NUDCD1: variants seen among roughly 807,000 people sequenced by gnomAD.
NUDCD1 encodes the protein nudC domain-containing protein 1.
A neutral mutation model predicts 67.8 loss-of-function variants in NUDCD1; 60 were observed. That is an observed-to-expected ratio of 0.88 (90% CI 0.72 to 1.10). NUDCD1 has a LOEUF of 1.10. Ranked by LOEUF, NUDCD1 falls within the 50% of genes least tolerant of loss-of-function variation. The pLI is 0.00. For missense variants in NUDCD1, 643 were observed against 695.0 expected (o/e 0.93, Z 0.84); for synonymous variants, 244 against 230.8 (o/e 1.06, Z -0.52).
chr8:109,279,070 C>A (rs933678664), intron 6 of NUDCD1, among the ~76,000 whole-genome samples: 1 of 152,200 alleles, frequency 6.6e-6, no homozygotes, highest in Admixed American at 6.5e-5. Context: ...TCCTGGGCAA[C>A]AGAGTGAGAC....
intron 8 of NUDCD1, among the ~76,000 whole-genome samples, chr8:109,248,914 A>C (rs1813561335): frequency 6.6e-6 from 1 of 152,052 alleles, no homozygotes; most frequent in African/African-American, 2.4e-5. Context: ...CCTGTTGCAT[A>C]TCCTGTCCAT....
At chr8:109,271,173 A>T in intron 7 of NUDCD1, 43 bp from the exon 8 acceptor site, 1 of 1,365,444 alleles carries the variant, frequency 7.3e-7, no homozygotes, top group Non-Finnish European at 1.0e-6. Flanking sequence ...AAAACAAATA[A>T]ACAAGGGAAT....
intron 8 of NUDCD1, among the ~76,000 whole-genome samples, chr8:109,247,598 G>C (rs1813528271): frequency 1.3e-5 from 2 of 152,178 alleles, no homozygotes; most frequent in African/African-American, 4.8e-5. Context: ...ACTGTGTCAA[G>C]TGTTGTTAAT....
intron 2 of NUDCD1, chr8:109,316,066 T>C (rs1394993395): frequency 1.3e-5 from 2 of 152,158 alleles, no homozygotes; most frequent in Admixed American, 6.6e-5. Flanking sequence ...ACAAATTAGC[T>C]TTTCAGGTAA....
intron 1 of NUDCD1, among the ~76,000 whole-genome samples, chr8:109,327,601 T>C (rs141110826): frequency 4.6e-5 from 7 of 152,356 alleles, no homozygotes; most frequent in East Asian, 1.9e-4. Context: ...TACCAAAACA[T>C]TGACAAGCTT....
chr8:109,280,967 C>T lies in NUDCD1; in HGVS notation c.1028+1G>A, dbSNP rs752062624. 4 of 1,425,694 alleles carry T rather than the reference C, an allele frequency of 2.8e-6. No homozygotes were observed. In the South Asian group the frequency reaches 5.4e-5, roughly 19 times the overall value. 88.3% of individuals were successfully genotyped at this position (1,425,694 alleles called of 1,614,324 possible). ...ATTAAAGTAAAATTAAAAAAAAATA[C>T]CTATTACTCTCTTTAATTATCCATG... On this transcript the variant is annotated splice_donor_variant, in intron 6 of 9. Coordinates refer to ENST00000239690, the MANE Select transcript of NUDCD1 (RefSeq NM_032869.4). LOFTEE classifies it high-confidence loss of function.
intron 6 of NUDCD1, among the ~76,000 whole-genome samples, chr8:109,277,771 C>T (rs2980607): frequency 1.6e-4 from 24 of 152,276 alleles, no homozygotes; most frequent in African/African-American, 5.3e-4. Context: ...TGGGTTACTG[C>T]TTGATGACTT....
At chr8:109,314,431 G>C (rs187999343) in intron 2 of NUDCD1, among the ~76,000 whole-genome samples, 1 of 152,270 alleles carries the variant, frequency 6.6e-6, no homozygotes, top group East Asian at 1.9e-4. Flanking sequence ...ACTTAGAAGA[G>C]AGGTTCAAAA....
chr8:109,288,412 A>G (rs1052469729), intron 5 of NUDCD1, among the ~76,000 whole-genome samples: 4 of 152,228 alleles, frequency 2.6e-5, no homozygotes, highest in African/African-American at 9.6e-5. Flanking sequence ...TATTCTGGCT[A>G]AGCTTTGGAT....
At chr8:109,264,234 C>G (rs1364918506) in intron 8 of NUDCD1, among the ~76,000 whole-genome samples, 1 of 152,100 alleles carries the variant, frequency 6.6e-6, no homozygotes, top group Non-Finnish European at 1.5e-5. Context: ...TGAGATTTGG[C>G]AAACATTTTT....
At chr8:109,271,501 G>GA (rs1360224046) in intron 7 of NUDCD1, among the ~76,000 whole-genome samples, 4 of 152,112 alleles carry the variant, frequency 2.6e-5, no homozygotes, top group African/African-American at 9.7e-5. Context: ...CAGCGAGCTT[G>GA]AAAAATAGCA....
rs151160133 is a variant in NUDCD1, at chr8:109,310,960, C to T, written c.273+11349G>A. On this transcript the variant is annotated intron_variant, in intron 2 of 9. Transcript: ENST00000239690. ...CCTCCCGAGTAGCTGGGACTACAGG[C>T]GCACGCCACCACGCCCGGCTAATTT... Among the ~76,000 whole-genome samples, 9 of 151,742 alleles carry T rather than the reference C, an allele frequency of 5.9e-5. No individual in the cohort carries two copies. The East Asian group carries it at 9.7e-4, about 16-fold the overall frequency.
rs181446717 is a variant in NUDCD1, at chr8:109,310,869, G to A, written c.273+11440C>T. Among the ~76,000 whole-genome samples the A allele has an allele frequency of 4.3e-5, 6 of 137,946 alleles. No individual in the cohort carries two copies. In the East Asian group the frequency reaches 1.1e-3, roughly 24 times the overall value. The allele number at this position is 137,946 out of a possible 152,430, so 90.5% of individuals were successfully genotyped here. ...TCTTGTTCTGCTGCCAGGCTGGAGT[G>A]CAGTGGTGCGATCTCGGCTCACTGA... On this transcript the variant is annotated intron_variant, in intron 2 of 9. Coordinates refer to ENST00000239690, the MANE Select transcript of NUDCD1 (RefSeq NM_032869.4).
intron 2 of NUDCD1, among the ~76,000 whole-genome samples, chr8:109,301,981 C>A (rs1815001459): frequency 6.6e-6 from 1 of 152,124 alleles, no homozygotes; most frequent in East Asian, 1.9e-4. Flanking sequence ...GGCTGCTTGC[C>A]CACATTGCAG....
chr8:109,246,967 C>G (rs1372165135), intron 8 of NUDCD1, among the ~76,000 whole-genome samples: 1 of 152,148 alleles, frequency 6.6e-6, no homozygotes, highest in East Asian at 1.9e-4. Context: ...CAGAGCAACC[C>G]ATCTTCTGCT....
At chr8:109,297,651 G>C (rs574568521) in intron 2 of NUDCD1, among the ~76,000 whole-genome samples, 4 of 152,254 alleles carry the variant, frequency 2.6e-5, no homozygotes, top group East Asian at 1.9e-4. Context: ...CCAGTACCTG[G>C]ATCTTGGAAT....
rs772185655 is a variant in NUDCD1 at position 109,242,323 on chromosome 8, C to T, written c.*686G>A. On this transcript the variant is annotated 3_prime_UTR_variant, in exon 10 of 10. Transcript: ENST00000239690. Reference sequence around the variant, plus strand: ...GCTGAGAGGCCCTGTACAGCAGAGACAGCCAACTCACTGAATCGTGAAAAA... The same window carrying T: ...GCTGAGAGGCCCTGTACAGCAGAGATAGCCAACTCACTGAATCGTGAAAAA... 5.1e-4 allele frequency: 200 copies of T among 393,880 alleles called. 1 individual carries two copies. Among genetic ancestry groups the T allele is most frequent in the Non-Finnish European group, 8.1e-4 (181 of 223,308 alleles). 24.4% of individuals were successfully genotyped at this position (393,880 alleles called of 1,614,324 possible).
intron 5 of NUDCD1, among the ~76,000 whole-genome samples, chr8:109,284,000 A>C (rs57699246): frequency 1.5e-5 from 2 of 136,194 alleles, no homozygotes; most frequent in African/African-American, 2.6e-5. Flanking sequence ...AAAAAAAAAA[A>C]AAAAAAACAA....
At chr8:109,253,373 T>G (rs887578752) in intron 8 of NUDCD1, among the ~76,000 whole-genome samples, 11 of 152,198 alleles carry the variant, frequency 7.2e-5, no homozygotes, top group African/African-American at 2.7e-4. Context: ...GTGATCATAA[T>G]AGCACAGAAC....
Sources: allele counts gnomAD v4.1 joint callset (sites outside exome capture counted in the v4.1 genomes callset), GRCh38; gene constraint gnomAD v4.1.1; transcripts MANE v1.5; gene names NCBI Gene and HGNC (gene_info 2026-07-23, HGNC 2026-07-21).